RABGAP1L: variants seen among roughly 807,000 people sequenced by gnomAD.
The protein encoded by RABGAP1L is RAB GTPase activating protein 1 like.
RABGAP1L carries 63 observed loss-of-function variants against 137.7 expected under a neutral mutation model. The ratio of observed to expected loss-of-function variants is 0.46; its 90% CI spans 0.37 to 0.56. The LOEUF is 0.56. Ranked by LOEUF, RABGAP1L falls within the 20% of genes least tolerant of loss-of-function variation. The probability of loss-of-function intolerance (pLI) is 0.00; values close to 1 mark genes in which losing one functional copy is unlikely to be tolerated. For synonymous variants in RABGAP1L, 431 were observed against 433.7 expected (o/e 0.99, Z 0.08); for missense variants, 1,095 against 1,244.0 (o/e 0.88, Z 1.80).
At position 174,233,952 on chromosome 1, in the gene RABGAP1L, G is replaced by C. The variant is rs1416225550; in HGVS notation, c.542+2597G>C. 8.9e-5 allele frequency among the ~76,000 whole-genome samples: 12 copies of C among 134,836 alleles called. 2 individuals are homozygous for C. Among genetic ancestry groups the C allele is most frequent in the African/African-American group, 4.3e-4 (12 of 28,212 alleles). 88.5% of individuals were successfully genotyped at this position (134,836 alleles called of 152,430 possible). ...GTTGTTTCCTGACTTTTTAATGATT[G>C]CCATTCTGACTGGTGTGAGATGGTA... On this transcript the variant is annotated intron_variant, in intron 4 of 25. Transcript: ENST00000681986.
At chr1:174,842,594 G>C (rs544313538) in intron 19 of RABGAP1L, among the ~76,000 whole-genome samples, 2 of 152,206 alleles carry the variant, frequency 1.3e-5, no homozygotes, top group East Asian at 3.9e-4. Context: ...AAGAAATTCA[G>C]TCTCAAAGAG....
chr1:174,645,661 T>G (rs1264596997), intron 14 of RABGAP1L, among the ~76,000 whole-genome samples: 1 of 152,166 alleles, frequency 6.6e-6, no homozygotes, highest in Non-Finnish European at 1.5e-5. Context: ...CTATTGTGAA[T>G]AGTGCTGCAA....
intron 13 of RABGAP1L, among the ~76,000 whole-genome samples, chr1:174,550,995 T>TACACATATATATATATATATATATAC (rs1666468243): frequency 1.6e-5 from 1 of 64,442 alleles, no homozygotes; most frequent in Non-Finnish European, 2.5e-5. Context: ...TATATATATA[T>TACACATATATATATATATATATATAC]ACACATATAT....
At chr1:174,941,305 A>C (rs775488413) in intron 19 of RABGAP1L, among the ~76,000 whole-genome samples, 9 of 152,204 alleles carry the variant, frequency 5.9e-5, no homozygotes, top group South Asian at 4.1e-4. Context: ...AAGGGAATAC[A>C]TAGTGTAAGG....
At chr1:174,305,209 G>A (rs1195206618) in intron 11 of RABGAP1L, 82 bp downstream of exon 11, 16 of 1,351,466 alleles carry the variant, frequency 1.2e-5, no homozygotes, top group East Asian at 2.8e-5. Context: ...GTGTGTTGTG[G>A]GTAGAAGTGG....
At chr1:174,921,921 C>A (rs949256882) in intron 19 of RABGAP1L, among the ~76,000 whole-genome samples, 2 of 152,148 alleles carry the variant, frequency 1.3e-5, no homozygotes, top group Non-Finnish European at 2.9e-5. Context: ...TTGTAATTTT[C>A]AGATTTAGGT....
intron 14 of RABGAP1L, among the ~76,000 whole-genome samples, chr1:174,660,749 G>C (rs1676318922): frequency 6.6e-6 from 1 of 152,150 alleles, no homozygotes; most frequent in African/African-American, 2.4e-5. Context: ...TACATGGCTT[G>C]TTTTTTAACC....
chr1:174,410,036 G>A (rs1474979697), intron 13 of RABGAP1L, among the ~76,000 whole-genome samples: 1 of 152,052 alleles, frequency 6.6e-6, no homozygotes, highest in Non-Finnish European at 1.5e-5. Context: ...GCCCTTTGAA[G>A]CATGTGATCT....
intron 12 of RABGAP1L, among the ~76,000 whole-genome samples, chr1:174,376,508 G>A (rs558030423): frequency 3.2e-4 from 48 of 152,122 alleles, no homozygotes; most frequent in Non-Finnish European, 5.7e-4. Context: ...TACGTGGGAC[G>A]TATTTTGGGA....
At position 174,752,361 on chromosome 1, in the gene RABGAP1L, CT is replaced by C. The variant is rs752353382; in HGVS notation, c.2211+15del. The C allele has an allele frequency of 4.1e-4, 631 of 1,557,304 alleles. 2 individuals are homozygous for C. The highest frequency in any genetic ancestry group is 1.3e-3 in the Admixed American group (72 of 53,792). ...AGCTTTGGCTCTCCTAAAGGTAAGT[CT>C]TTTTTTTAATCTTAAGTTACCACAT... On this transcript the variant is annotated splice_region_variant and intron_variant, in intron 18 of 25. Coordinates refer to ENST00000681986, the MANE Select transcript of RABGAP1L (RefSeq NM_001366446.1).
At chr1:174,611,359 T>C (rs982240076) in intron 13 of RABGAP1L, among the ~76,000 whole-genome samples, 1 of 152,192 alleles carries the variant, frequency 6.6e-6, no homozygotes, top group Admixed American at 6.5e-5. Flanking sequence ...AAAAATCAGA[T>C]AGTTGTAGAT....
rs1483089599 is a variant in RABGAP1L, at chr1:174,989,982, C to T, written c.3137C>T (p.Pro1046Leu). 33 of 1,546,802 alleles carry T rather than the reference C, an allele frequency of 2.1e-5. No homozygotes were observed. The highest frequency in any genetic ancestry group is 2.9e-5 in the Non-Finnish European group (33 of 1,143,452). ...TTGCAGCCAGCACCGGTCACCCAGC[C>T]ACCCAAGGAGAGCACATAGTTCCAG... ...QPLQPAPVTQ[P>L]PKEST is the part of the protein sequence containing the mutation. The change falls in exon 26 of 26, where the codon CCA becomes CTA. Residue 1046 changes from proline to leucine, a missense_variant. Around this residue, in one of 4 missense-constraint regions of RABGAP1L, gnomAD observed 312 missense variants for 435.6 expected, o/e 0.72. Transcript: ENST00000681986.
At chr1:174,619,239 T>C (rs960457426) in intron 13 of RABGAP1L, among the ~76,000 whole-genome samples, 3 of 152,066 alleles carry the variant, frequency 2.0e-5, no homozygotes, top group Admixed American at 1.3e-4. Flanking sequence ...CAGGAGAACT[T>C]CCCCAATCTA....
chr1:174,852,220 G>A (rs1415740963), intron 19 of RABGAP1L, among the ~76,000 whole-genome samples: 2 of 152,018 alleles, frequency 1.3e-5, no homozygotes, highest in African/African-American at 4.8e-5. Flanking sequence ...GAAGAGTGTC[G>A]GAGGATTCAA....
intron 19 of RABGAP1L, among the ~76,000 whole-genome samples, chr1:174,929,753 AAAATAAATAAATAAATAAATAAAT>A (rs61539169): frequency 7.1e-6 from 1 of 140,794 alleles, no homozygotes; most frequent in Admixed American, 7.2e-5. Flanking sequence ...GTCTCTACAA[AAAATAAATAAATAAATAAATAAAT>A]AAATAAATAA....
At chr1:174,608,945 G>C (rs1359732114) in intron 13 of RABGAP1L, among the ~76,000 whole-genome samples, 1 of 152,014 alleles carries the variant, frequency 6.6e-6, no homozygotes, top group African/African-American at 2.4e-5. Flanking sequence ...ACAATATATT[G>C]AATAATATTC....
intron 19 of RABGAP1L, among the ~76,000 whole-genome samples, chr1:174,947,939 T>TG (rs1220310763): frequency 7.2e-5 from 11 of 152,208 alleles, no homozygotes; most frequent in Non-Finnish European, 1.5e-4. Flanking sequence ...ATGTATAAAT[T>TG]GGTTGTTTGA....
At chr1:174,505,815 A>G (rs978283234) in intron 13 of RABGAP1L, among the ~76,000 whole-genome samples, 1 of 152,230 alleles carries the variant, frequency 6.6e-6, no homozygotes, top group Non-Finnish European at 1.5e-5. Flanking sequence ...TCCAAAGGAA[A>G]TGTAATCAGT....
chr1:174,652,388 T>G (rs962971978), intron 14 of RABGAP1L, among the ~76,000 whole-genome samples: 1 of 151,832 alleles, frequency 6.6e-6, no homozygotes, highest in African/African-American at 2.4e-5. Flanking sequence ...GTGTTCTGGT[T>G]TTTGGAATTT....
Sources: gnomAD v4.1 joint callset for allele counts (sites outside exome capture counted in the v4.1 genomes callset) on GRCh38, gnomAD v4.1.1 for gene constraint, gnomAD v4.1.1 regional missense constraint, MANE v1.5 for transcripts, NCBI Gene and HGNC (gene_info 2026-07-23, HGNC 2026-07-21) for gene names.